LRRN2: variants seen among roughly 807,000 people sequenced by gnomAD.
The protein encoded by LRRN2 is leucine-rich repeat neuronal protein 2.
LRRN2 carries 10 observed loss-of-function variants against 35.7 expected under a neutral mutation model. The observed-to-expected ratio is 0.28, with a 90% CI of 0.17 to 0.47. The LOEUF is 0.47. LRRN2 is among the 20% of genes least tolerant of loss of function. The probability of loss-of-function intolerance (pLI) is 0.99; values close to 1 mark genes in which losing one functional copy is unlikely to be tolerated. For synonymous variants in LRRN2, 391 were observed against 409.6 expected (o/e 0.95, Z 0.55); for missense variants, 731 against 940.3 (o/e 0.78, Z 2.91).
chr1:204,645,113 C>T (rs955795652), intron 1 of LRRN2, among the ~76,000 whole-genome samples: 12 of 152,206 alleles, frequency 7.9e-5, no homozygotes, highest in Non-Finnish European at 1.6e-4. Flanking sequence ...AGGGAATTCA[C>T]AGTCATGAGC....
intron 1 of LRRN2, among the ~76,000 whole-genome samples, chr1:204,663,482 G>A (rs1360700835): frequency 6.6e-6 from 1 of 152,162 alleles, no homozygotes; most frequent in Non-Finnish European, 1.5e-5. Flanking sequence ...AGGCTCTTCT[G>A]TCTGCTTGTG....
At chr1:204,671,585 G>T (rs1224172893) in intron 1 of LRRN2, among the ~76,000 whole-genome samples, 2 of 143,668 alleles carry the variant, frequency 1.4e-5, no homozygotes, top group Non-Finnish European at 3.0e-5. Context: ...TAAAAATGAT[G>T]GACCATGGCC....
chr1:204,670,724 G>A (rs1416842386), intron 1 of LRRN2, among the ~76,000 whole-genome samples: 1 of 84,220 alleles, frequency 1.2e-5, no homozygotes, highest in Non-Finnish European at 3.3e-5. Context: ...GGAAAAGAAA[G>A]TGTCAAAAAA....
intron 1 of LRRN2, among the ~76,000 whole-genome samples, chr1:204,637,377 G>A (rs1368638787): frequency 1.3e-5 from 2 of 152,202 alleles, no homozygotes; most frequent in Admixed American, 6.5e-5. Flanking sequence ...ATAGATGAGT[G>A]TATTTGTACA....
chr1:204,630,972 G>A (rs1667676126), intron 1 of LRRN2, among the ~76,000 whole-genome samples: 1 of 151,886 alleles, frequency 6.6e-6, no homozygotes, highest in Non-Finnish European at 1.5e-5. Context: ...TGCAAAATGA[G>A]GGAGTTGGGC....
At chr1:204,625,485 G>T (rs1160880610) in intron 1 of LRRN2, among the ~76,000 whole-genome samples, 1 of 148,714 alleles carries the variant, frequency 6.7e-6, no homozygotes. Flanking sequence ...TATAACATAT[G>T]TACGGGAGAA....
At chr1:204,661,549 G>A (rs992658729) in intron 1 of LRRN2, among the ~76,000 whole-genome samples, 2 of 152,308 alleles carry the variant, frequency 1.3e-5, no homozygotes, top group South Asian at 2.1e-4. Flanking sequence ...GATCTGAAGT[G>A]CTGTCGGGAA....
intron 1 of LRRN2, among the ~76,000 whole-genome samples, chr1:204,630,745 C>A: frequency 6.6e-6 from 1 of 152,114 alleles, no homozygotes; most frequent in East Asian, 1.9e-4. Flanking sequence ...AGGCCTCTCC[C>A]TGGGCAGTCC....
chr1:204,680,404 A>C (rs368557576), intron 1 of LRRN2, among the ~76,000 whole-genome samples: 1 of 152,346 alleles, frequency 6.6e-6, no homozygotes, highest in African/African-American at 2.4e-5. Flanking sequence ...AATGCTGAGT[A>C]GCAGGGAAGG....
intron 1 of LRRN2, among the ~76,000 whole-genome samples, chr1:204,678,906 C>T (rs1380266337): frequency 6.6e-6 from 1 of 152,186 alleles, no homozygotes; most frequent in Non-Finnish European, 1.5e-5. Flanking sequence ...CATCCCCAGA[C>T]AATAAACTAA....
intron 1 of LRRN2, among the ~76,000 whole-genome samples, chr1:204,651,194 C>G (rs1229024106): frequency 6.6e-6 from 1 of 152,168 alleles, no homozygotes; most frequent in Admixed American, 6.5e-5. Context: ...CCCTCAGCTG[C>G]CAGCCAGCAT....
intron 1 of LRRN2, among the ~76,000 whole-genome samples, chr1:204,651,679 G>A (rs1433576964): frequency 1.3e-5 from 2 of 152,196 alleles, no homozygotes; most frequent in African/African-American, 4.8e-5. Flanking sequence ...GCAATGGCTT[G>A]GGGAATGAGA....
chr1:204,622,953 T>A (rs1459432785), intron 1 of LRRN2, among the ~76,000 whole-genome samples: 1 of 152,140 alleles, frequency 6.6e-6, no homozygotes, highest in Non-Finnish European at 1.5e-5. Context: ...ACTGGACAAA[T>A]GTTAGCTCTC....
Position 204,618,028 on chromosome 1 carries a change from G to A in LRRN2, c.1965C>T (p.Pro655=). ...GLAAHLGTGQ[P]RKGVGGRRPL... ...GCCGCCTCCCACCCACACCCTTCCT[G>A]GGTTGGCCTGTGCCAAGGTGGGCCG... is the stretch of plus-strand genomic sequence containing the variant. The change falls in exon 2 of 2, where the codon CCC becomes CCT. Residue 655 remains proline, a synonymous_variant. Coordinates refer to ENST00000367177, the MANE Select transcript of LRRN2 (RefSeq NM_201630.2). 6.2e-7 allele frequency: 1 copy of A among 1,612,906 alleles called. No homozygotes were observed. The highest frequency in any genetic ancestry group is 8.5e-7 in the Non-Finnish European group (1 of 1,179,456).
chr1:204,667,821 T>C (rs1668605847), intron 1 of LRRN2, among the ~76,000 whole-genome samples: 1 of 152,174 alleles, frequency 6.6e-6, no homozygotes, highest in Non-Finnish European at 1.5e-5. Context: ...GTGAGATGGC[T>C]GAGCAACTGG....
At chr1:204,623,175 A>C (rs1667045423) in intron 1 of LRRN2, among the ~76,000 whole-genome samples, 1 of 152,078 alleles carries the variant, frequency 6.6e-6, no homozygotes, top group Non-Finnish European at 1.5e-5. Context: ...GGAGGTGGAG[A>C]GGGGTCTTCA....
intron 1 of LRRN2, among the ~76,000 whole-genome samples, chr1:204,656,028 G>A (rs1248715752): frequency 6.6e-6 from 1 of 152,158 alleles, no homozygotes; most frequent in Middle Eastern, 3.2e-3. Context: ...TCCTGCCTCA[G>A]CCTCCCCAGT....
At chr1:204,643,772 C>G (rs933102677) in intron 1 of LRRN2, among the ~76,000 whole-genome samples, 1 of 151,964 alleles carries the variant, frequency 6.6e-6, no homozygotes, top group African/African-American at 2.4e-5. Flanking sequence ...CTCCAGAAAC[C>G]CAGGGGCTAG....
intron 1 of LRRN2, among the ~76,000 whole-genome samples, chr1:204,657,113 G>A (rs1265671099): frequency 6.6e-6 from 1 of 152,056 alleles, no homozygotes; most frequent in Non-Finnish European, 1.5e-5. Context: ...AGACCAGCCT[G>A]GCCAACACGG....
Sources: gnomAD v4.1 joint callset for allele counts (sites outside exome capture counted in the v4.1 genomes callset) on GRCh38, gnomAD v4.1.1 for gene constraint, MANE v1.5 for transcripts, NCBI Gene and HGNC (gene_info 2026-07-23, HGNC 2026-07-21) for gene names.